Variants in CNTN5 observed in about 807,000 individuals in gnomAD.
The protein encoded by CNTN5 is contactin 5.
In CNTN5, 77 loss-of-function variants were observed where a neutral mutation model predicts 129.1. The observed-to-expected ratio is 0.60, with a 90% CI of 0.50 to 0.72. CNTN5 has a LOEUF of 0.72. CNTN5 is among the 30% of genes least tolerant of loss of function. The pLI, the probability that CNTN5 is intolerant of heterozygous loss-of-function variation, is 0.00. For missense variants in CNTN5, 1,478 were observed against 1,328.8 expected, an observed-to-expected ratio of 1.11 and a Z score of -1.75; for synonymous variants, 509 against 465.6, an observed-to-expected ratio of 1.09 and a Z score of -1.20.
intron 9 of CNTN5, among the ~76,000 whole-genome samples, chr11:100,053,112 C>A (rs1943040133): frequency 1.3e-5 from 2 of 151,596 alleles, no homozygotes; most frequent in Admixed American, 6.6e-5. Context: ...TTTCTACATA[C>A]CTAAATGTAA....
intron 2 of CNTN5, among the ~76,000 whole-genome samples, chr11:99,511,239 G>T (rs936326774): frequency 5.3e-5 from 8 of 151,726 alleles, no homozygotes; most frequent in Non-Finnish European, 1.2e-4. Context: ...TCTGGTATGT[G>T]GTGTCTTTGT....
At chr11:99,579,274 G>T (rs555885765) in intron 3 of CNTN5, among the ~76,000 whole-genome samples, 223 of 151,074 alleles carry the variant, frequency 1.5e-3, no homozygotes, top group African/African-American at 5.2e-3. Flanking sequence ...GATGCCTCCA[G>T]CTTTGTTCTT....
At chr11:100,254,380 G>A (rs923596116) in intron 16 of CNTN5, among the ~76,000 whole-genome samples, 3 of 152,040 alleles carry the variant, frequency 2.0e-5, no homozygotes, top group Admixed American at 6.6e-5. Flanking sequence ...TTCTCTCAAC[G>A]TTTCCCCTTA....
chr11:99,515,503 G>A (rs112496312), intron 2 of CNTN5, among the ~76,000 whole-genome samples: 3,405 of 152,056 alleles, frequency 0.022, 140 homozygotes, highest in African/African-American at 0.077. Flanking sequence ...TTTCATGCCT[G>A]CGTTGAGATT....
At chr11:100,154,285 C>A (rs11222993) in intron 13 of CNTN5, among the ~76,000 whole-genome samples, 2 of 151,966 alleles carry the variant, frequency 1.3e-5, no homozygotes, top group African/African-American at 4.8e-5. Context: ...TGAACTCATC[C>A]TTTTTTATGG....
intron 6 of CNTN5, among the ~76,000 whole-genome samples, chr11:99,877,060 T>A (rs758245870): frequency 6.6e-6 from 1 of 152,182 alleles, no homozygotes; most frequent in Non-Finnish European, 1.5e-5. Context: ...GATGCCATGA[T>A]ATAGATGGTT....
chr11:100,285,215 T>A (rs1355418142), intron 18 of CNTN5, among the ~76,000 whole-genome samples: 1 of 152,202 alleles, frequency 6.6e-6, no homozygotes, highest in East Asian at 1.9e-4. Flanking sequence ...AAAAGTATAT[T>A]TTTTCATATT....
At chr11:99,923,921 G>T (rs917557799) in intron 7 of CNTN5, among the ~76,000 whole-genome samples, 22 of 151,974 alleles carry the variant, frequency 1.4e-4, no homozygotes, top group African/African-American at 5.3e-4. Context: ...CCAAGTAGCT[G>T]GTAGGTACTA....
chr11:99,862,014 A>C (rs1948221466), intron 6 of CNTN5, among the ~76,000 whole-genome samples: 2 of 152,182 alleles, frequency 1.3e-5, no homozygotes, highest in South Asian at 4.1e-4. Context: ...GGAATACTAG[A>C]AATATAAAAT....
chr11:99,968,853 C>G (rs1321139325), intron 8 of CNTN5, among the ~76,000 whole-genome samples: 2 of 151,412 alleles, frequency 1.3e-5, no homozygotes, highest in African/African-American at 4.8e-5. Context: ...TTTATCTCTG[C>G]TAAGGAAGCT....
chr11:99,123,599 G>T (rs1858466463), intron 1 of CNTN5, among the ~76,000 whole-genome samples: 1 of 149,058 alleles, frequency 6.7e-6, no homozygotes, highest in Non-Finnish European at 1.5e-5. Context: ...TCTTCATCAT[G>T]AAATTTTTGC....
At chr11:99,194,991 T>A (rs1446401567) in intron 1 of CNTN5, among the ~76,000 whole-genome samples, 4 of 152,124 alleles carry the variant, frequency 2.6e-5, no homozygotes, top group Non-Finnish European at 5.9e-5. Context: ...GTGACAGAAT[T>A]TACAGCCCCC....
At chr11:99,686,932 C>G (rs1026266836) in intron 3 of CNTN5, among the ~76,000 whole-genome samples, 12 of 152,128 alleles carry the variant, frequency 7.9e-5, no homozygotes, top group Admixed American at 7.9e-4. Flanking sequence ...TGCTGGCCTG[C>G]TTTTTCTCTG....
At chr11:99,463,310 C>T (rs1265934970) in intron 2 of CNTN5, among the ~76,000 whole-genome samples, 2 of 141,416 alleles carry the variant, frequency 1.4e-5, no homozygotes, top group East Asian at 2.1e-4. Flanking sequence ...TGGTGGCGGG[C>T]GCCTGTAGTC....
chr11:100,203,822 A>ACACACACACACT, intron 15 of CNTN5, among the ~76,000 whole-genome samples: 1 of 151,654 alleles, frequency 6.6e-6, no homozygotes, highest in East Asian at 1.9e-4. Flanking sequence ...ACACACACAC[A>ACACACACACACT]CACACACACT....
chr11:99,886,302 T>C (rs1321806741), intron 6 of CNTN5, among the ~76,000 whole-genome samples: 1 of 152,104 alleles, frequency 6.6e-6, no homozygotes. Flanking sequence ...AACTGACAAG[T>C]GATTAGTAAT....
intron 2 of CNTN5, among the ~76,000 whole-genome samples, chr11:99,435,311 A>G (rs1036387136): frequency 6.6e-6 from 1 of 152,152 alleles, no homozygotes. Context: ...CTTTTTAAAA[A>G]CAGTTTATTT....
intron 8 of CNTN5, among the ~76,000 whole-genome samples, chr11:99,978,089 CT>C (rs1445989309): frequency 2.0e-5 from 3 of 152,040 alleles, no homozygotes; most frequent in Non-Finnish European, 4.4e-5. Context: ...TCAGTGTAAC[CT>C]GTGTAGGCTA....
At chr11:99,286,972 A>G (rs1477408661) in intron 1 of CNTN5, among the ~76,000 whole-genome samples, 1 of 152,174 alleles carries the variant, frequency 6.6e-6, no homozygotes, top group African/African-American at 2.4e-5. Flanking sequence ...AATTTGGAAT[A>G]TGTCAAACAT....
Sources: gnomAD v4.1 joint callset for allele counts (sites outside exome capture counted in the v4.1 genomes callset) on GRCh38, gnomAD v4.1.1 for gene constraint, MANE v1.5 for transcripts, NCBI Gene and HGNC (gene_info 2026-07-23, HGNC 2026-07-21) for gene names.